PCDHGA1: variants seen among roughly 807,000 people sequenced by gnomAD.
PCDHGA1 encodes protocadherin gamma subfamily A, 1.
A neutral mutation model predicts 58.0 loss-of-function variants in PCDHGA1; 32 were observed. The ratio of observed to expected loss-of-function variants is 0.55; its 90% CI spans 0.42 to 0.74. The LOEUF (loss-of-function observed/expected upper bound fraction) is 0.74, where lower values mean the gene tolerates loss of function less well. PCDHGA1 is among the 30% of genes least tolerant of loss of function. The pLI is 0.00. For synonymous variants in PCDHGA1, 498 were observed against 501.1 expected, an observed-to-expected ratio of 0.99 and a Z score of 0.08; for missense variants, 1,205 against 1,182.3, an observed-to-expected ratio of 1.02 and a Z score of -0.28.
At chr5:141,366,618 C>G (rs781279706) in intron 1 of PCDHGA1, 26 of 1,614,114 alleles carry the variant, frequency 1.6e-5, no homozygotes, top group Middle Eastern at 3.3e-4. Flanking sequence ...ACCGCGGACT[C>G]GAGGAAGAGT....
intron 1 of PCDHGA1, among the ~76,000 whole-genome samples, chr5:141,484,211 G>A (rs1362875959): frequency 6.6e-6 from 1 of 152,158 alleles, no homozygotes; most frequent in Non-Finnish European, 1.5e-5. Context: ...ATGAACATTA[G>A]CATTCTGCCA....
intron 1 of PCDHGA1, chr5:141,375,951 C>G (rs767101939): frequency 1.2e-6 from 2 of 1,613,526 alleles, no homozygotes; most frequent in Admixed American, 3.3e-5. Context: ...GGCCTGCACA[C>G]GGGCGAGGTG....
intron 1 of PCDHGA1, among the ~76,000 whole-genome samples, chr5:141,475,750 T>C (rs1158317865): frequency 6.6e-6 from 1 of 152,270 alleles, no homozygotes; most frequent in African/African-American, 2.4e-5. Context: ...AGGTTTCCTA[T>C]GCACCGATAC....
intron 1 of PCDHGA1, among the ~76,000 whole-genome samples, chr5:141,424,888 G>C (rs2096846233): frequency 6.6e-6 from 1 of 152,178 alleles, no homozygotes; most frequent in Non-Finnish European, 1.5e-5. Context: ...GACTTATCTA[G>C]GGTTTTTGAT....
intron 1 of PCDHGA1, chr5:141,441,910 G>A: frequency 2.9e-6 from 1 of 349,440 alleles, no homozygotes; most frequent in Non-Finnish European, 5.5e-6. Flanking sequence ...AGACGCAGAT[G>A]TGAGACACAA....
intron 1 of PCDHGA1, among the ~76,000 whole-genome samples, chr5:141,397,772 A>G (rs1352118170): frequency 6.6e-6 from 1 of 152,238 alleles, no homozygotes; most frequent in Non-Finnish European, 1.5e-5. Context: ...TATTAAGTAT[A>G]TGGACGTAAA....
In PCDHGA1 at chr5:141,432,218, A is replaced by T. The variant is rs570925415; in HGVS notation, c.2422-62589A>T. On this transcript the variant is annotated intron_variant, in intron 1 of 3. Transcript: ENST00000517417. This position sits in a 1 kb window ranked among gnomAD's most constrained non-coding sequence, Gnocchi z 6.0. Reference sequence around the variant, plus strand: ...CCCCGACTGTGAAGAGAACGCCCAGATCACTTATTCCCTGGCTGAGAACAC... The same window carrying T: ...CCCCGACTGTGAAGAGAACGCCCAGTTCACTTATTCCCTGGCTGAGAACAC... The T allele has an allele frequency of 6.2e-7, 1 of 1,614,148 alleles. No homozygotes were observed. The highest frequency in any genetic ancestry group is 1.3e-5 in the African/African-American group (1 of 75,030).
At position 141,491,682 on chromosome 5, in the gene PCDHGA1, G is replaced by A. The variant is rs11952292; in HGVS notation, c.2422-3125G>A. The A allele has an allele frequency of 1.9e-6, 3 of 1,613,150 alleles. No individual in the cohort carries two copies. Among genetic ancestry groups the A allele is most frequent in the South Asian group, 1.1e-5 (1 of 91,046 alleles). On this transcript the variant is annotated intron_variant, in intron 1 of 3. Coordinates refer to ENST00000517417, the MANE Select transcript of PCDHGA1 (RefSeq NM_018912.3). The surrounding 1 kb of genome is among the most constrained non-coding windows in gnomAD (Gnocchi z 6.9). Reference sequence around the variant, plus strand: ...ACGCCATCCGGTCCCGCTCTAATACGCTGCGGGAGCGGAGCCAGGTGAGGG... The same window carrying A: ...ACGCCATCCGGTCCCGCTCTAATACACTGCGGGAGCGGAGCCAGGTGAGGG...
chr5:141,428,797 G>A (rs2097161930), intron 1 of PCDHGA1: 1 of 152,310 alleles, frequency 6.6e-6, no homozygotes, highest in Admixed American at 6.5e-5. Context: ...TTCTGTGTGG[G>A]CCAGTAACTT....
chr5:141,393,927 C>T, intron 1 of PCDHGA1: 2 of 1,613,970 alleles, frequency 1.2e-6, no homozygotes, highest in South Asian at 1.1e-5. Context: ...CTTGAGTGTG[C>T]ATGACCAAGA....
At chr5:141,405,029 C>T in intron 1 of PCDHGA1, 1 of 1,613,976 alleles carries the variant, frequency 6.2e-7, no homozygotes, top group Non-Finnish European at 8.5e-7. Flanking sequence ...TACCCTCTAC[C>T]TCGTTGTGGC....
chr5:141,408,782 T>G (rs1561715407), intron 1 of PCDHGA1: 1 of 1,612,108 alleles, frequency 6.2e-7, no homozygotes, highest in East Asian at 2.2e-5. Flanking sequence ...ATACCCAGAG[T>G]TATCTCTGGA....
chr5:141,397,986 C>G, intron 1 of PCDHGA1: 2 of 1,316,082 alleles, frequency 1.5e-6, no homozygotes, highest in Non-Finnish European at 2.1e-6. Flanking sequence ...GCCTTTACAC[C>G]GCTTCCTCCT....
intron 1 of PCDHGA1, chr5:141,344,224 T>C: frequency 1.2e-6 from 2 of 1,613,948 alleles, no homozygotes; most frequent in Non-Finnish European, 1.7e-6. Flanking sequence ...GAGCGCGGAG[T>C]CCGCATCGTC....
chr5:141,511,265 A>G lies in PCDHGA1; in HGVS notation c.*92A>G. On this transcript the variant is annotated 3_prime_UTR_variant, in exon 4 of 4. Coordinates refer to ENST00000517417, the MANE Select transcript of PCDHGA1 (RefSeq NM_018912.3). ...ACCCAGGCCTCAGAGTTTCAGGGCT[A>G]ACCCCCAGAATACTGGTAGGGGCCA... The G allele has an allele frequency of 6.4e-7, 1 of 1,551,730 alleles. No individual in the cohort carries two copies. Among genetic ancestry groups the G allele is most frequent in the South Asian group, 1.2e-5 (1 of 83,132 alleles).
chr5:141,419,258 C>A, intron 1 of PCDHGA1: 3 of 1,614,028 alleles, frequency 1.9e-6, no homozygotes, highest in Non-Finnish European at 2.5e-6. Flanking sequence ...AAACAACCAG[C>A]CGGGTGCCTC....
chr5:141,491,817 G>T lies in PCDHGA1; in HGVS notation c.2422-2990G>T. On this transcript the variant is annotated intron_variant, in intron 1 of 3. Transcript: ENST00000517417. The surrounding 1 kb of genome is among the most constrained non-coding windows in gnomAD (Gnocchi z 6.9). ...TCTCCGGCCGGCTTGGTCGCTGGCT[G>T]CGCTCCACCCGATTCTCGGGATCAT... 1.3e-6 allele frequency: 2 copies of T among 1,484,188 alleles called. No homozygotes were observed. The highest frequency in any genetic ancestry group is 1.8e-6 in the Non-Finnish European group (2 of 1,117,664). 91.9% of individuals were successfully genotyped at this position (1,484,188 alleles called of 1,614,324 possible).
chr5:141,343,949 G>A, intron 1 of PCDHGA1: 1 of 1,293,370 alleles, frequency 7.7e-7, no homozygotes, highest in South Asian at 1.6e-5. Flanking sequence ...GCCCGTAAAA[G>A]ACTTCGTTTC....
rs753936459 is a variant in PCDHGA1 at position 141,501,288 on chromosome 5, TATAC to T, written c.2481-4103_2481-4100del. Among the ~76,000 whole-genome samples the T allele has an allele frequency of 4.5e-4, 37 of 81,322 alleles. No homozygotes were observed. The South Asian group carries it at 5.1e-3, about 11-fold the overall frequency. 53.4% of individuals were successfully genotyped at this position (81,322 alleles called of 152,430 possible). A position where few individuals can be genotyped will look rare whatever the true frequency, so the allele number is the denominator to read the frequency against. ...TAGTCCAGTCTATGGGATATTCCCT[TATAC>T]ACACACACACACACACACACACACA... On this transcript the variant is annotated intron_variant, in intron 2 of 3. Coordinates refer to ENST00000517417, the MANE Select transcript of PCDHGA1 (RefSeq NM_018912.3).
Sources: allele counts gnomAD v4.1 joint callset (sites outside exome capture counted in the v4.1 genomes callset), GRCh38; gene constraint gnomAD v4.1.1; non-coding constraint Gnocchi (gnomAD v3.1); transcripts MANE v1.5; gene names NCBI Gene and HGNC (gene_info 2026-07-23, HGNC 2026-07-21).